DPH6: variants seen among roughly 807,000 people sequenced by gnomAD.
DPH6 encodes the protein diphthamine biosynthesis 6.
Under a neutral mutation model 38.2 loss-of-function variants are expected in DPH6, and 33 were observed. The ratio of observed to expected loss-of-function variants is 0.86; its 90% CI spans 0.65 to 1.15. The LOEUF (loss-of-function observed/expected upper bound fraction) is 1.15, where lower values mean the gene tolerates loss of function less well. Among genes scored for constraint, DPH6 ranks in the 50% most tolerant of loss-of-function variants. The probability of loss-of-function intolerance (pLI) is 0.00; values close to 1 mark genes in which losing one functional copy is unlikely to be tolerated. For missense variants in DPH6, 325 were observed against 320.0 expected (o/e 1.02, Z -0.12); for synonymous variants, 108 against 103.0 (o/e 1.05, Z -0.30).
At chr15:35,444,834 G>A (rs1445733489) in intron 5 of DPH6, among the ~76,000 whole-genome samples, 1 of 152,002 alleles carries the variant, frequency 6.6e-6, no homozygotes, top group African/African-American at 2.4e-5. Flanking sequence ...CGAGCTTTCA[G>A]GAACATTATT....
At chr15:35,329,146 A>C (rs1268188476), downstream of DPH6, among the ~76,000 whole-genome samples, 2 of 152,220 alleles carry the variant, frequency 1.3e-5, no homozygotes, top group Non-Finnish European at 2.9e-5. Flanking sequence ...AGATATTAGA[A>C]GATACAGACT....
At chr15:35,319,626 A>G (rs539212584) in intron 3 of DPH6, among the ~76,000 whole-genome samples, 57 of 152,238 alleles carry the variant, frequency 3.7e-4, no homozygotes, top group African/African-American at 1.3e-3. Context: ...CTATAATCCC[A>G]GCTACTCAGA....
chr15:35,460,783 C>A (rs2054055901), intron 3 of DPH6, among the ~76,000 whole-genome samples: 1 of 151,398 alleles, frequency 6.6e-6, no homozygotes, highest in African/African-American at 2.4e-5. Flanking sequence ...CAATCTCTGT[C>A]AATATGAATC....
chr15:35,379,508 CT>C lies in DPH6; in HGVS notation c.662+2313del, dbSNP rs1381753881. On this transcript the variant is annotated intron_variant, in intron 7 of 8. Coordinates refer to ENST00000256538, the MANE Select transcript of DPH6 (RefSeq NM_080650.4). Reference sequence around the variant, plus strand: ...AAACAGTTACAGGAACTAAGCTCATCTTTTAATTGTATTATATGGAAGATTA... The same window carrying C: ...AAACAGTTACAGGAACTAAGCTCATCTTTAATTGTATTATATGGAAGATTA... Among the ~76,000 whole-genome samples the C allele has an allele frequency of 2.0e-5, 3 of 152,156 alleles. No individual in the cohort carries two copies. In the South Asian group the frequency reaches 6.2e-4, roughly 31 times the overall value.
the DPH6 span, among the ~76,000 whole-genome samples, chr15:35,147,089 A>T: frequency 2.0e-5 from 3 of 152,202 alleles, no homozygotes; most frequent in Non-Finnish European, 4.4e-5. Flanking sequence ...AAGCACTTAC[A>T]TGGTGCTTTC....
intron 2 of DPH6, 46 bp downstream of exon 2, chr15:35,542,367 G>A (rs757822122): frequency 6.9e-7 from 1 of 1,445,470 alleles, no homozygotes. Context: ...TATGAAGTTG[G>A]AATTTCATTC....
intron 5 of DPH6, among the ~76,000 whole-genome samples, chr15:35,435,699 G>C (rs1044119910): frequency 6.6e-6 from 1 of 152,108 alleles, no homozygotes; most frequent in Non-Finnish European, 1.5e-5. Flanking sequence ...TCTTGGTTGT[G>C]AGACAAGAAC....
chr15:35,317,167 G>A (rs1055750352), intron 3 of DPH6, among the ~76,000 whole-genome samples: 1 of 152,104 alleles, frequency 6.6e-6, no homozygotes, highest in African/African-American at 2.4e-5. Context: ...GCTGAGACAG[G>A]AGGATTGCTT....
rs930768927 is a variant in DPH6 at position 35,450,761 on chromosome 15, C to T, written c.429G>A (p.Gln143=). Reference sequence around the variant, plus strand: ...CTCTGAGCAAATCTTCCTGGTTTCTCTGCCAAAGATAAGCTAAAGGCTGGA... The same window carrying T: ...CTCTGAGCAAATCTTCCTGGTTTCTTTGCCAAAGATAAGCTAAAGGCTGGA... ...LNLQPLAYLW[Q]RNQEDLLREM... The change falls in exon 5 of 9, where the codon CAG becomes CAA. Residue 143 remains glutamine (Q), a synonymous_variant. Coordinates refer to ENST00000256538, the MANE Select transcript of DPH6 (RefSeq NM_080650.4). 1 of 1,612,790 alleles carries T rather than the reference C, an allele frequency of 6.2e-7. No individual in the cohort carries two copies. The highest frequency in any genetic ancestry group is 8.5e-7 in the Non-Finnish European group (1 of 1,179,576).
At chr15:35,499,317 T>C (rs2054595672) in intron 3 of DPH6, among the ~76,000 whole-genome samples, 1 of 152,204 alleles carries the variant, frequency 6.6e-6, no homozygotes, top group Non-Finnish European at 1.5e-5. Flanking sequence ...GATTCTTCCT[T>C]CCTTCTTTCC....
In DPH6 at chr15:35,225,148, G is replaced by A. The variant is rs530948372; in HGVS notation, n.201-4566C>T. Among the ~76,000 whole-genome samples, 3 of 152,250 alleles carry A rather than the reference G, an allele frequency of 2.0e-5. No individual in the cohort carries two copies. The South Asian group carries it at 6.2e-4, about 32-fold the overall frequency. ...TGACAGTTTTAAGGTGCACTGGTAA[G>A]GCATTTTGTCTCTCAATCTGAGTTT... is the stretch of plus-strand genomic sequence containing the variant. On this transcript the variant is annotated intron_variant and non_coding_transcript_variant, in intron 3 of 3. Transcript: ENST00000560386.
In DPH6 at chr15:35,228,464, T is replaced by C. The variant is rs962293441; in HGVS notation, n.201-7882A>G. Reference sequence around the variant, plus strand: ...TTTTGTTTGGAGACAGTGTGTTTTCTGTCACCTAGGCTGGAGTGCAGTGGC... The same window carrying C: ...TTTTGTTTGGAGACAGTGTGTTTTCCGTCACCTAGGCTGGAGTGCAGTGGC... On this transcript the variant is annotated intron_variant and non_coding_transcript_variant, in intron 3 of 3. Coordinates refer to the DPH6 transcript ENST00000560386. 2.6e-5 allele frequency among the ~76,000 whole-genome samples: 4 copies of C among 152,224 alleles called. No individual in the cohort carries two copies. The East Asian group carries it at 7.7e-4, about 29-fold the overall frequency.
chr15:35,249,275 C>T (rs2051656029), intron 3 of DPH6, among the ~76,000 whole-genome samples: 1 of 152,062 alleles, frequency 6.6e-6, no homozygotes, highest in African/African-American at 2.4e-5. Context: ...TCTCTAACAC[C>T]TGAAGAAATC....
the DPH6 span, among the ~76,000 whole-genome samples, chr15:35,195,004 A>G: frequency 6.6e-6 from 1 of 152,206 alleles, no homozygotes; most frequent in African/African-American, 2.4e-5. Flanking sequence ...CCTATTGAAC[A>G]CCAGGTTTCA....
intron 2 of DPH6, among the ~76,000 whole-genome samples, chr15:35,539,871 T>C (rs1265608289): frequency 6.6e-6 from 1 of 152,070 alleles, no homozygotes; most frequent in Non-Finnish European, 1.5e-5. Flanking sequence ...CACACATTGT[T>C]AGATTGGCTT....
At chr15:35,324,243 TAGAG>T (rs1187222997) in intron 3 of DPH6, among the ~76,000 whole-genome samples, 1 of 152,148 alleles carries the variant, frequency 6.6e-6, no homozygotes, top group Non-Finnish European at 1.5e-5. Context: ...AATAGAGCAA[TAGAG>T]AGTGTCTGAA....
At chr15:35,341,104 C>G (rs1360398167) in intron 3 of DPH6, among the ~76,000 whole-genome samples, 2 of 151,816 alleles carry the variant, frequency 1.3e-5, no homozygotes, top group Non-Finnish European at 2.9e-5. Flanking sequence ...TCTTATCTGC[C>G]TGTGTGATTT....
the DPH6 span, among the ~76,000 whole-genome samples, chr15:35,198,741 T>C: frequency 6.6e-6 from 1 of 152,146 alleles, no homozygotes; most frequent in East Asian, 1.9e-4. Flanking sequence ...ATCTGAAAAA[T>C]CATCATGCAA....
intron 3 of DPH6, among the ~76,000 whole-genome samples, chr15:35,506,200 A>G (rs2054691731): frequency 6.6e-6 from 1 of 152,190 alleles, no homozygotes; most frequent in African/African-American, 2.4e-5. Flanking sequence ...ATTAAAAATA[A>G]CACAAATATT....
Sources: allele counts gnomAD v4.1 joint callset (sites outside exome capture counted in the v4.1 genomes callset), GRCh38; gene constraint gnomAD v4.1.1; transcripts MANE v1.5; gene names NCBI Gene and HGNC (gene_info 2026-07-23, HGNC 2026-07-21).